The following PIK3C3 variants were observed in gnomAD, a reference collection of about 807,000 sequenced individuals.
PIK3C3 encodes the protein PI3-kinase type 3.
In PIK3C3, 95 loss-of-function variants were observed where a neutral mutation model predicts 126.1. The observed-to-expected ratio is 0.75, with a 90% CI of 0.64 to 0.89. The LOEUF is 0.89. Ranked by LOEUF, PIK3C3 falls within the 40% of genes least tolerant of loss-of-function variation. The pLI is 0.00. For missense variants in PIK3C3, 829 were observed against 1,063.2 expected (o/e 0.78, Z 3.06); for synonymous variants, 374 against 360.0 (o/e 1.04, Z -0.44).
Position 42,054,154 on chromosome 18 carries a change from A to ATATC in PIK3C3, c.2264-3726_2264-3725insCTAT, listed in dbSNP as rs1984941796. ...TATATATATATATATATATATATAT[A>ATATC]TATATATATATATATATATATATAT... is the stretch of plus-strand genomic sequence containing the variant. On this transcript the variant is annotated intron_variant, in intron 21 of 24. Transcript: ENST00000262039. Among the ~76,000 whole-genome samples the ATATC allele has an allele frequency of 1.5e-4, 5 of 33,492 alleles. 1 individual carries two copies. Among genetic ancestry groups the ATATC allele is most frequent in the East Asian group, 8.7e-4 (1 of 1,150 alleles). The allele number at this position is 33,492 out of a possible 152,430, so 22.0% of individuals were successfully genotyped here.
At chr18:42,042,675 A>G (rs1984375589) in intron 19 of PIK3C3, among the ~76,000 whole-genome samples, 1 of 152,182 alleles carries the variant, frequency 6.6e-6, no homozygotes, top group Non-Finnish European at 1.5e-5. Flanking sequence ...TTGTATACTG[A>G]TTCTTGGCTG....
In PIK3C3 at chr18:42,058,054, A is replaced by T. The variant is rs2144505826; in HGVS notation, c.2432+3A>T. On this transcript the variant is annotated splice_donor_region_variant and intron_variant, in intron 22 of 24. Transcript: ENST00000262039. The stretch of plus-strand genomic sequence containing the variant: ...ACGGCTTTCCTCCACCTGCGAAGGT[A>T]AGTTGATTTGCTTGGCACAGAGAAT... 1 of 1,574,128 alleles carries T rather than the reference A, an allele frequency of 6.4e-7. No homozygotes were observed. Among genetic ancestry groups the T allele is most frequent in the South Asian group, 1.2e-5 (1 of 83,838 alleles).
chr18:42,062,559 T>C (rs913161993), intron 22 of PIK3C3, among the ~76,000 whole-genome samples: 9 of 152,180 alleles, frequency 5.9e-5, no homozygotes, highest in Non-Finnish European at 1.3e-4. Context: ...TGGACACCTC[T>C]GATGTAGAAC....
chr18:42,077,438 C>T (rs1443978591), intron 24 of PIK3C3, among the ~76,000 whole-genome samples: 6 of 152,220 alleles, frequency 3.9e-5, no homozygotes, highest in Admixed American at 6.5e-5. Flanking sequence ...GCTTTATCAA[C>T]TAAATTTATG....
chr18:42,075,670 T>A (rs910167251), intron 24 of PIK3C3, among the ~76,000 whole-genome samples: 5 of 150,436 alleles, frequency 3.3e-5, no homozygotes, highest in African/African-American at 1.2e-4. Context: ...TAGTCCTATA[T>A]TTATAAGTAA....
At chr18:42,041,979 T>C (rs1367299668) in intron 19 of PIK3C3, among the ~76,000 whole-genome samples, 1 of 152,228 alleles carries the variant, frequency 6.6e-6, no homozygotes, top group Non-Finnish European at 1.5e-5. Flanking sequence ...AAGGCCTGCT[T>C]GCCAGGAGAT....
intron 4 of PIK3C3, among the ~76,000 whole-genome samples, chr18:41,973,073 C>A (rs1181903912): frequency 6.6e-6 from 1 of 151,912 alleles, no homozygotes; most frequent in East Asian, 1.9e-4. Flanking sequence ...TCATGTAGCT[C>A]TTTAATTGAT....
Position 42,038,855 on chromosome 18 carries a change from G to A in PIK3C3, c.2038+5G>A, listed in dbSNP as rs1984178866. 3.2e-6 allele frequency: 5 copies of A among 1,548,982 alleles called. No homozygotes were observed. The highest frequency in any genetic ancestry group is 1.1e-5 in the South Asian group (1 of 87,552). On this transcript the variant is annotated splice_donor_5th_base_variant and intron_variant, in intron 18 of 24. Transcript: ENST00000262039. ...TAGCCACCAGTACAAAACATGGTAA[G>A]TGTATTTTACATCATTATTATTTAC...
rs140698364 is a variant in PIK3C3 at position 42,007,733 on chromosome 18, T to A, written c.1170+3192T>A. Among the ~76,000 whole-genome samples the A allele has an allele frequency of 2.2e-3, 336 of 152,350 alleles. 1 individual carries two copies. Among genetic ancestry groups the A allele is most frequent in the African/African-American group, 7.5e-3 (311 of 41,578 alleles). ...TTGACTTTTCTTACTCTAATAGATG[T>A]TAGGTTGCTTCTTATATTTTGTAGG... On this transcript the variant is annotated intron_variant, in intron 10 of 24. Coordinates refer to ENST00000262039, the MANE Select transcript of PIK3C3 (RefSeq NM_002647.4).
intron 3 of PIK3C3, among the ~76,000 whole-genome samples, chr18:41,969,728 C>T (rs1169295754): frequency 1.3e-5 from 2 of 152,168 alleles, no homozygotes; most frequent in Non-Finnish European, 1.5e-5. Flanking sequence ...AGCCACTGTT[C>T]TAAGTACTTT....
At chr18:42,041,231 A>G (rs1311922287) in intron 19 of PIK3C3, among the ~76,000 whole-genome samples, 2 of 152,144 alleles carry the variant, frequency 1.3e-5, no homozygotes, top group Non-Finnish European at 2.9e-5. Context: ...TGGTGAACAA[A>G]TTAAAATTTG....
At chr18:42,004,683 A>G (rs1982458145) in intron 10 of PIK3C3, 142 bp downstream of exon 10, 1 of 632,492 alleles carries the variant, frequency 1.6e-6, no homozygotes, top group Non-Finnish European at 2.6e-6. Flanking sequence ...AAGAGGATAT[A>G]CTAGGTGTAT....
chr18:42,006,260 TCC>T (rs1273410725), intron 10 of PIK3C3, among the ~76,000 whole-genome samples: 3 of 151,334 alleles, frequency 2.0e-5, no homozygotes, highest in Non-Finnish European at 2.9e-5. Context: ...GGAGCTTCTG[TCC>T]CCATGGAGTT....
chr18:42,048,855 G>A (rs1440570412), intron 20 of PIK3C3, among the ~76,000 whole-genome samples: 4 of 151,996 alleles, frequency 2.6e-5, no homozygotes, highest in African/African-American at 4.8e-5. Flanking sequence ...GGTTATTAAT[G>A]GTAGAAATAA....
intron 3 of PIK3C3, among the ~76,000 whole-genome samples, chr18:41,963,103 C>T (rs1382852166): frequency 1.3e-5 from 2 of 151,634 alleles, no homozygotes; most frequent in Non-Finnish European, 2.9e-5. Flanking sequence ...AAAAAAAATC[C>T]CATAGTCCCA....
At chr18:42,037,656 A>G (rs551363231) in intron 16 of PIK3C3, 36 bp from the exon 17 acceptor site, 4 of 1,586,578 alleles carry the variant, frequency 2.5e-6, no homozygotes, top group African/African-American at 1.3e-5. Context: ...GCATTAATTC[A>G]TGGCCAAATT....
chr18:42,063,325 G>GTC (rs1985400604), intron 22 of PIK3C3, among the ~76,000 whole-genome samples: 2 of 151,928 alleles, frequency 1.3e-5, no homozygotes, highest in African/African-American at 4.9e-5. Context: ...CTGTCTGTCT[G>GTC]TATCCCTAGT....
At chr18:42,009,333 T>C (rs546502528) in intron 10 of PIK3C3, among the ~76,000 whole-genome samples, 44 of 152,332 alleles carry the variant, frequency 2.9e-4, no homozygotes, top group African/African-American at 1.0e-3. Context: ...TGAAGTCATA[T>C]GTATTACTCT....
At position 42,033,894 on chromosome 18, in the gene PIK3C3, G is replaced by T; in HGVS notation, c.1776G>T (p.Pro592=). The T allele has an allele frequency of 1.2e-6, 2 of 1,604,524 alleles. No homozygotes were observed. Among genetic ancestry groups the T allele is most frequent in the Middle Eastern group, 3.3e-4 (2 of 6,020 alleles). ...ATTTGTCAGATGTGGAACTTATCCCGTTGCCTTTAGAACCCCAAGTGAAAA... is the reference window on the plus strand; with the variant it reads ...ATTTGTCAGATGTGGAACTTATCCCTTTGCCTTTAGAACCCCAAGTGAAAA... The part of the protein sequence containing the change: ...KMNLSDVELI[P]LPLEPQVKIR... The change falls in exon 16 of 25, where the codon CCG becomes CCT. Residue 592 remains proline (P), a synonymous_variant. Transcript: ENST00000262039.
Sources: gnomAD v4.1 joint callset for allele counts (sites outside exome capture counted in the v4.1 genomes callset) on GRCh38, gnomAD v4.1.1 for gene constraint, MANE v1.5 for transcripts, NCBI Gene and HGNC (gene_info 2026-07-23, HGNC 2026-07-21) for gene names.